PCDHGB1: variants seen among roughly 807,000 people sequenced by gnomAD.
PCDHGB1 encodes protocadherin gamma-B1.
Under a neutral mutation model 56.6 loss-of-function variants are expected in PCDHGB1, and 34 were observed. That is an observed-to-expected ratio of 0.60 (90% CI 0.46 to 0.80). PCDHGB1 has a LOEUF of 0.80. Among genes scored for constraint, PCDHGB1 ranks in the 30% least tolerant of loss-of-function variants. PCDHGB1 has a pLI of 0.00. For missense variants in PCDHGB1, 1,278 were observed against 1,204.6 expected, an observed-to-expected ratio of 1.06 and a Z score of -0.90; for synonymous variants, 561 against 505.9, an observed-to-expected ratio of 1.11 and a Z score of -1.46.
chr5:141,378,222 A>G (rs574464825), intron 1 of PCDHGB1: 1 of 152,350 alleles, frequency 6.6e-6, no homozygotes, highest in South Asian at 2.1e-4. Flanking sequence ...TGTGTGCCTG[A>G]TAGTATTTAA....
rs552017054 is a variant in PCDHGB1 at position 141,425,594 on chromosome 5, A to G, written c.2410-69213A>G. On this transcript the variant is annotated intron_variant, in intron 1 of 3. Transcript: ENST00000523390. ...GGGTTTGGCTAACTTTATTCTGAAT[A>G]TGCCCTATATAGCTTTCAGTGCTCC... 2.6e-5 allele frequency among the ~76,000 whole-genome samples: 4 copies of G among 152,370 alleles called. No homozygotes were observed. In the South Asian group the frequency reaches 8.3e-4, roughly 32 times the overall value.
chr5:141,364,467 G>T (rs776444046), intron 1 of PCDHGB1: 2 of 1,614,004 alleles, frequency 1.2e-6, no homozygotes, highest in Non-Finnish European at 1.7e-6. Context: ...TCCTTCGTCG[G>T]CAACATAGCC....
At chr5:141,422,181 G>A in intron 1 of PCDHGB1, 3 of 1,561,316 alleles carry the variant, frequency 1.9e-6, no homozygotes, top group Non-Finnish European at 2.6e-6. Flanking sequence ...TCTATGAGAT[G>A]GAAATTCAAG....
In PCDHGB1 at chr5:141,490,949, A is replaced by G. The variant is rs2074912; in HGVS notation, c.2410-3858A>G. On this transcript the variant is annotated intron_variant, in intron 1 of 3. Coordinates refer to ENST00000523390, the MANE Select transcript of PCDHGB1 (RefSeq NM_018922.3). The surrounding 1 kb of genome is among the most constrained non-coding windows in gnomAD (Gnocchi z 5.4). ...CCAGCTGTGCTGCACCCACGGCCAG[A>G]CTGGGAACACTCAGCCCCCCAGCGT... 0.21 allele frequency: 331,850 copies of G among 1,613,352 alleles called. 36,311 individuals carry two copies. The highest frequency in any genetic ancestry group is 0.37 in the Admixed American group (22,349 of 59,972).
At position 141,384,825 on chromosome 5, in the gene PCDHGB1, C is replaced by T. The variant is rs570988671; in HGVS notation, c.2409+32156C>T. On this transcript the variant is annotated intron_variant, in intron 1 of 3. Transcript: ENST00000523390. ...ACAGAGATGCCCTCAAGCAGAGCCT[C>T]GTGGTGGCCGTCCAGGACCACGGTC... The T allele has an allele frequency of 5.0e-6, 8 of 1,613,474 alleles. No homozygotes were observed. The African/African-American group carries it at 9.3e-5, about 19-fold the overall frequency.
chr5:141,367,756 T>A (rs1485436627), intron 1 of PCDHGB1: 1 of 152,192 alleles, frequency 6.6e-6, no homozygotes, highest in Non-Finnish European at 1.5e-5. Flanking sequence ...TACATACTGC[T>A]GCACTCAATA....
chr5:141,489,150 TAA>T lies in PCDHGB1; in HGVS notation c.2410-5656_2410-5655del. 1.2e-6 allele frequency: 1 copy of T among 862,654 alleles called. No homozygotes were observed. Among genetic ancestry groups the T allele is most frequent in the Non-Finnish European group, 1.7e-6 (1 of 575,074 alleles). The allele number at this position is 862,654 out of a possible 1,614,324, so 53.4% of individuals were successfully genotyped here. On this transcript the variant is annotated intron_variant, in intron 1 of 3. Coordinates refer to ENST00000523390, the MANE Select transcript of PCDHGB1 (RefSeq NM_018922.3). This position sits in a 1 kb window ranked among gnomAD's most constrained non-coding sequence, Gnocchi z 4.5. ...GTTTTTAAGAGGCTGGAAGGAGACA[TAA>T]GAGACTTCAGCTGCTGCATTCCAAG... is the stretch of plus-strand genomic sequence containing the variant.
intron 1 of PCDHGB1, chr5:141,378,349 C>T (rs1774833758): frequency 6.6e-6 from 1 of 152,158 alleles, no homozygotes; most frequent in African/African-American, 2.4e-5. Flanking sequence ...ATGGTGAAAC[C>T]CCGTCTCTAC....
intron 1 of PCDHGB1, 113 bp downstream of exon 1, chr5:141,352,782 G>C (rs2149771321): frequency 9.0e-7 from 1 of 1,105,830 alleles, no homozygotes; most frequent in African/African-American, 1.6e-5. Context: ...TTGAGGTCAG[G>C]AGTTTGAGAC....
rs34152666 is a variant in PCDHGB1 at position 141,428,860 on chromosome 5, C to CT, written c.2410-65934dup. 6.7e-4 allele frequency: 98 copies of CT among 145,544 alleles called. 1 individual carries two copies. The highest frequency in any genetic ancestry group is 1.4e-3 in the East Asian group (7 of 4,990). 9.0% of individuals were successfully genotyped at this position (145,544 alleles called of 1,614,324 possible). On this transcript the variant is annotated intron_variant, in intron 1 of 3. Transcript: ENST00000523390. ...ACATTTTCACCATTTTTACGGGAGA[C>CT]TTTTTTTTTTTTTGGACGGAGTCTC...
chr5:141,398,711 C>T, intron 1 of PCDHGB1: 2 of 1,613,822 alleles, frequency 1.2e-6, no homozygotes, highest in South Asian at 1.1e-5. Context: ...CCGGAACTGG[C>T]ACTGGAGAAA....
Position 141,485,618 on chromosome 5 carries a change from G to A in PCDHGB1, c.2410-9189G>A, listed in dbSNP as rs2099616729. 2.5e-6 allele frequency: 4 copies of A among 1,612,092 alleles called. No individual in the cohort carries two copies. Among genetic ancestry groups the A allele is most frequent in the Non-Finnish European group, 3.4e-6 (4 of 1,178,672 alleles). On this transcript the variant is annotated intron_variant, in intron 1 of 3. Coordinates refer to ENST00000523390, the MANE Select transcript of PCDHGB1 (RefSeq NM_018922.3). This position sits in a 1 kb window ranked among gnomAD's most constrained non-coding sequence, Gnocchi z 5.7. The stretch of plus-strand genomic sequence containing the variant: ...GGAAATTGGGGAGGCAGCTCCTCCA[G>A]GACAGCGTTTCCCGTTGGAAAAGGC...
At chr5:141,415,503 G>A (rs1354902623) in intron 1 of PCDHGB1, 1 of 1,614,212 alleles carries the variant, frequency 6.2e-7, no homozygotes. Flanking sequence ...TCTTCCCCCA[G>A]CCCAATTATG....
chr5:141,375,495 T>A, intron 1 of PCDHGB1: 1 of 1,613,918 alleles, frequency 6.2e-7, no homozygotes, highest in Admixed American at 1.7e-5. Flanking sequence ...GGTGCCTCCA[T>A]CTTCTCTGTG....
intron 1 of PCDHGB1, chr5:141,404,969 G>T (rs2094589920): frequency 6.2e-7 from 1 of 1,613,964 alleles, no homozygotes; most frequent in East Asian, 2.2e-5. Context: ...AGACATCCTG[G>T]CTGACCTGGG....
intron 1 of PCDHGB1, among the ~76,000 whole-genome samples, chr5:141,420,643 A>G (rs145459829): frequency 0.01 from 1,535 of 152,326 alleles, 17 homozygotes; most frequent in Non-Finnish European, 0.013. Flanking sequence ...GGAACCTTGT[A>G]AGAATTATAG....
At chr5:141,492,952 C>T (rs1428667098) in intron 1 of PCDHGB1, among the ~76,000 whole-genome samples, 1 of 152,242 alleles carries the variant, frequency 6.6e-6, no homozygotes, top group Non-Finnish European at 1.5e-5. Context: ...GGTGACCAAA[C>T]TATCTGACAC....
chr5:141,353,376 AT>A (rs1262685545), intron 1 of PCDHGB1, among the ~76,000 whole-genome samples: 1 of 152,236 alleles, frequency 6.6e-6, no homozygotes, highest in East Asian at 1.9e-4. Flanking sequence ...GTAATTATGT[AT>A]TAATGTAATT....
chr5:141,372,912 T>G, intron 1 of PCDHGB1: 1 of 1,057,916 alleles, frequency 9.5e-7, no homozygotes. Context: ...ATTACATTAT[T>G]TTATTGATTT....
Sources: gnomAD v4.1 joint callset for allele counts (sites outside exome capture counted in the v4.1 genomes callset) on GRCh38, gnomAD v4.1.1 for gene constraint, Gnocchi (gnomAD v3.1) non-coding constraint, MANE v1.5 for transcripts, NCBI Gene and HGNC (gene_info 2026-07-23, HGNC 2026-07-21) for gene names.